The following LLGL1 variants were observed in gnomAD, a reference collection of about 807,000 sequenced individuals.
The protein encoded by LLGL1 is LLGL scribble cell polarity complex component 1.
LLGL1 carries 58 observed loss-of-function variants against 110.6 expected under a neutral mutation model. That is an observed-to-expected ratio of 0.52 (90% CI 0.42 to 0.65). The LOEUF (loss-of-function observed/expected upper bound fraction) is 0.65, where lower values mean the gene tolerates loss of function less well. Ranked by LOEUF, LLGL1 falls within the 30% of genes least tolerant of loss-of-function variation. The pLI is 0.00. For missense variants in LLGL1, 1,229 were observed against 1,462.1 expected (o/e 0.84, Z 2.60); for synonymous variants, 674 against 607.2 (o/e 1.11, Z -1.62).
At position 18,237,721 on chromosome 17, in the gene LLGL1, A is replaced by G. The variant is rs547373553; in HGVS notation, c.1852A>G (p.Ser618Gly). The G allele has an allele frequency of 9.9e-6, 16 of 1,612,938 alleles. No individual in the cohort carries two copies. The Admixed American group carries it at 2.5e-4, about 25-fold the overall frequency. ...TEWSLVAFGT[S>G]HGFGLFDYQR... ...GTGGAGCCTCGTGGCTTTTGGCACC[A>G]GTCATGGCTTTGGCCTCTTCGACTA... Residue 618 changes from serine (S) to glycine (G), a missense_variant, in exon 14 of 23, where the codon AGT (serine) becomes GGT (glycine). Physicochemically the swap from Ser to Gly is moderately conservative, Grantham distance 56. Coordinates refer to ENST00000316843, the MANE Select transcript of LLGL1 (RefSeq NM_004140.4).
rs1269264604 is a variant in LLGL1 at position 18,242,754 on chromosome 17, A to G, written c.3128A>G (p.Glu1043Gly). The change falls in exon 22 of 23, where the codon GAG (glutamate) becomes GGG (glycine). Residue 1043 changes from glutamate (E) to glycine (G), a missense_variant. Transcript: ENST00000316843. ...TCCCCATCTCGCAGCTCCTCTGAGG[A>G]GTCAGAGAAGAACCTGAGGAACCTG... The part of the protein sequence containing the change: ...DVKDFLGSSE[E>G]SEKNLRNLAE... 5 of 1,569,102 alleles carry G rather than the reference A, an allele frequency of 3.2e-6. No homozygotes were observed. In the East Asian group the frequency reaches 1.2e-4, roughly 37 times the overall value.
At chr17:18,234,541 G>A in intron 7 of LLGL1, 108 bp from the exon 8 acceptor site, 4 of 1,574,576 alleles carry the variant, frequency 2.5e-6, no homozygotes, top group Non-Finnish European at 3.5e-6. Context: ...GACTTCCCGG[G>A]GAGGCAGGAG....
intron 11 of LLGL1, 54 bp from the exon 12 acceptor site, chr17:18,236,553 G>GGC: frequency 6.5e-7 from 1 of 1,546,144 alleles, no homozygotes; most frequent in Non-Finnish European, 8.8e-7. Context: ...TGAATGGAGG[G>GGC]GCGTGCAGGC....
chr17:18,243,532 C>T (rs1005635309), intron 22 of LLGL1, among the ~76,000 whole-genome samples: 2 of 152,230 alleles, frequency 1.3e-5, no homozygotes, highest in Non-Finnish European at 2.9e-5. Context: ...TTGGGCCCAG[C>T]AAGTGGCTGA....
Position 18,241,671 on chromosome 17 carries a change from A to G in LLGL1, c.2723A>G (p.Asp908Gly). The G allele has an allele frequency of 1.2e-6, 2 of 1,613,578 alleles. No individual in the cohort carries two copies. Among genetic ancestry groups the G allele is most frequent in the Non-Finnish European group, 1.7e-6 (2 of 1,179,984 alleles). ...CACTATTCCTGCATCCGGAAGGAGG[A>G]CATCAGCGGCATCGCTTCGTGCGTC... is the stretch of plus-strand genomic sequence containing the variant. ...QVHYSCIRKE[D>G]ISGIASCVFT... Residue 908 changes from aspartate (D) to glycine (G), a missense_variant, in exon 18 of 23, where the codon GAC becomes GGC. By Grantham distance (94) the Asp-to-Gly change is moderately conservative. Coordinates refer to ENST00000316843, the MANE Select transcript of LLGL1 (RefSeq NM_004140.4).
At chr17:18,234,196 T>TC (rs1402364139) in intron 6 of LLGL1, 21 bp downstream of exon 6, 1 of 1,600,854 alleles carries the variant, frequency 6.2e-7, no homozygotes, top group Admixed American at 1.7e-5. Flanking sequence ...GAGGCCTGTG[T>TC]CCCCTCAGCC....
rs1183374859 is a variant in LLGL1 at position 18,244,781 on chromosome 17, GTTTT to G, written c.*879_*882del. ...GTTTCCCTGTAGATTGTACCTTGGG[GTTTT>G]TTTCTGTCGTTTTGTTAAAATTAGC... On this transcript the variant is annotated 3_prime_UTR_variant, in exon 23 of 23. Transcript: ENST00000316843. The G allele has an allele frequency of 3.9e-6, 1 of 256,736 alleles. No individual in the cohort carries two copies. The highest frequency in any genetic ancestry group is 7.3e-6 in the Non-Finnish European group (1 of 136,806). The allele number at this position is 256,736 out of a possible 1,614,324, so 15.9% of individuals were successfully genotyped here.
At chr17:18,236,371 C>T in intron 11 of LLGL1, 1 of 528,700 alleles carries the variant, frequency 1.9e-6, no homozygotes, top group Non-Finnish European at 3.4e-6. Context: ...TCATTTCCAC[C>T]TTGTTTGGTT....
In LLGL1 at chr17:18,234,786, A is replaced by G. The variant is rs538756420; in HGVS notation, c.906-53A>G. On this transcript the variant is annotated intron_variant, in intron 8 of 22. Transcript: ENST00000316843. ...GTGGGCTCTCCCTAGGTTGTGCAGT[A>G]TGTGCTCTGGACCCAAGTGGTTCAT... 1.9e-5 allele frequency: 30 copies of G among 1,613,732 alleles called. 1 individual carries two copies. The East Asian group carries it at 4.0e-4, about 22-fold the overall frequency.
intron 13 of LLGL1, 55 bp downstream of exon 13, chr17:18,236,994 A>G (rs149032469): frequency 7.0e-7 from 1 of 1,431,748 alleles, no homozygotes; most frequent in African/African-American, 1.4e-5. Context: ...TCTGGAAGAG[A>G]TGAGCTGGAG....
rs760385782 is a variant in LLGL1 at position 18,238,661 on chromosome 17, C to T, written c.2206+52C>T. 4 of 1,545,814 alleles carry T rather than the reference C, an allele frequency of 2.6e-6. No individual in the cohort carries two copies. In the East Asian group the frequency reaches 9.1e-5, roughly 35 times the overall value. On this transcript the variant is annotated intron_variant, in intron 16 of 22. Transcript: ENST00000316843. ...GGGCAAGGGTTGGGGGGGCTGGCCT[C>T]AATTGGCCACCTGGGAGATGGGTGG...
In LLGL1 at chr17:18,241,476, C is replaced by T. The variant is rs202238913; in HGVS notation, c.2528C>T (p.Ala843Val). 17 of 1,613,278 alleles carry T rather than the reference C, an allele frequency of 1.1e-5. No homozygotes were observed. Among genetic ancestry groups the T allele is most frequent in the Admixed American group, 6.7e-5 (4 of 59,988 alleles). The stretch of plus-strand genomic sequence containing the variant: ...GTGTTCACACTGCCCAAGGTGAGCG[C>T]GAAGACCAAGTTCAAGCTGACGGCC... The part of the protein sequence containing the change: ...FKVFTLPKVS[A>V]KTKFKLTAHE... The change falls in exon 18 of 23, where the codon GCG becomes GTG. Residue 843 changes from alanine to valine, a missense_variant. By Grantham distance (64) the Ala-to-Val change is moderately conservative. Transcript: ENST00000316843.
chr17:18,232,176 G>A (rs572228893), intron 2 of LLGL1, among the ~76,000 whole-genome samples: 1 of 152,380 alleles, frequency 6.6e-6, no homozygotes, highest in South Asian at 2.1e-4. Flanking sequence ...CAAGCCTGCT[G>A]GGTGTGTTTA....
In LLGL1 at chr17:18,233,931, G is replaced by T; in HGVS notation, c.546G>T (p.Leu182=). 6.2e-7 allele frequency: 1 copy of T among 1,611,936 alleles called. No individual in the cohort carries two copies. The highest frequency in any genetic ancestry group is 1.3e-5 in the African/African-American group (1 of 75,060). ...EGQTLAPGEV[L]RSVPDDYRCG... ...AGACGCTTGCCCCAGGCGAGGTTCT[G>T]CGCAGGTAAGAGGCCGGTGGGCTTC... Residue 182 remains leucine, a synonymous_variant, in exon 5 of 23, where the codon CTG becomes CTT. Coordinates refer to ENST00000316843, the MANE Select transcript of LLGL1 (RefSeq NM_004140.4).
At chr17:18,234,735 T>C (rs1265966263) in intron 8 of LLGL1, 32 bp downstream of exon 8, 2 of 1,613,658 alleles carry the variant, frequency 1.2e-6, no homozygotes, top group African/African-American at 2.7e-5. Flanking sequence ...CCGATGTGAG[T>C]TGGGTCTGGC....
chr17:18,241,870 C>T lies in LLGL1; in HGVS notation c.2768-15C>T, dbSNP rs140250623. The T allele has an allele frequency of 3.5e-4, 559 of 1,609,586 alleles. 3 individuals carry two copies. The Middle Eastern group carries it at 6.1e-3, about 18-fold the overall frequency. ...GTATCTTCTAACTGCACTCCTCATT[C>T]TTCTGCCCACCCAGGCTTTTACCTG... is the stretch of plus-strand genomic sequence containing the variant. On this transcript the variant is annotated splice_polypyrimidine_tract_variant and intron_variant, in intron 18 of 22. Transcript: ENST00000316843.
At chr17:18,234,491 T>G in intron 7 of LLGL1, 83 bp downstream of exon 7, 2 of 1,585,882 alleles carry the variant, frequency 1.3e-6, no homozygotes, top group Non-Finnish European at 8.6e-7. Context: ...GAGGAGGGAC[T>G]TCCCCGAGGG....
At position 18,233,758 on chromosome 17, in the gene LLGL1, C is replaced by T. The variant is rs1380879577; in HGVS notation, c.393-20C>T. 1.2e-6 allele frequency: 2 copies of T among 1,603,294 alleles called. No homozygotes were observed. On this transcript the variant is annotated intron_variant, in intron 4 of 22. Transcript: ENST00000316843. ...GTGGATGGGCTTGTACCCTCACTCCCTTCCCCTTGTTCCCTGCAGTGCTCC... is the reference window on the plus strand; with the variant it reads ...GTGGATGGGCTTGTACCCTCACTCCTTTCCCCTTGTTCCCTGCAGTGCTCC...
At chr17:18,225,845 G>A (rs1360539020) in intron 1 of LLGL1, 82 bp downstream of exon 1, 2 of 548,844 alleles carry the variant, frequency 3.6e-6, no homozygotes, top group Middle Eastern at 9.1e-4. Context: ...TCGGAGCCAC[G>A]TCGGGCCCGG....
Sources: allele counts gnomAD v4.1 joint callset (sites outside exome capture counted in the v4.1 genomes callset), GRCh38; gene constraint gnomAD v4.1.1; transcripts MANE v1.5; gene names NCBI Gene and HGNC (gene_info 2026-07-23, HGNC 2026-07-21).